Variants in PRIMA1 observed in about 807,000 individuals in gnomAD.
PRIMA1 encodes the protein proline-rich membrane anchor 1.
PRIMA1 carries 7 observed loss-of-function variants against 17.5 expected under a neutral mutation model. That is an observed-to-expected ratio of 0.40 (90% CI 0.23 to 0.75). The LOEUF is 0.75. Ranked by LOEUF, PRIMA1 falls within the 30% of genes least tolerant of loss-of-function variation. The pLI is 0.37. For missense variants in PRIMA1, 200 were observed against 201.8 expected (o/e 0.99, Z 0.05); for synonymous variants, 97 against 77.9 (o/e 1.25, Z -1.29).
intron 3 of PRIMA1, among the ~76,000 whole-genome samples, chr14:93,756,587 C>A (rs560934244): frequency 1.3e-5 from 2 of 152,030 alleles, no homozygotes; most frequent in African/African-American, 4.8e-5. Context: ...TTGATCAGTC[C>A]CATGCCTTCA....
chr14:93,739,099 C>T (rs1357181349), intron 3 of PRIMA1, among the ~76,000 whole-genome samples: 1 of 151,674 alleles, frequency 6.6e-6, no homozygotes, highest in African/African-American at 2.4e-5. Context: ...GTTGCCCAGG[C>T]TGGAGTGCAG....
In PRIMA1 at chr14:93,726,887, A is replaced by G. The variant is rs1298684694; in HGVS notation, c.360-5341T>C. ...TACACATATGTGCACATGCATGCAC[A>G]CATACATATGAATACACATATGCAT... On this transcript the variant is annotated intron_variant, in intron 4 of 4. Coordinates refer to ENST00000393140, the MANE Select transcript of PRIMA1 (RefSeq NM_178013.4). This position sits in a 1 kb window ranked among gnomAD's most constrained non-coding sequence, Gnocchi z 4.2. Among the ~76,000 whole-genome samples, 3 of 152,208 alleles carry G rather than the reference A, an allele frequency of 2.0e-5. No individual in the cohort carries two copies. The highest frequency in any genetic ancestry group is 4.4e-5 in the Non-Finnish European group (3 of 68,042).
chr14:93,744,407 G>A (rs1216663875), intron 3 of PRIMA1, among the ~76,000 whole-genome samples: 2 of 152,260 alleles, frequency 1.3e-5, no homozygotes, highest in Non-Finnish European at 2.9e-5. Flanking sequence ...CCCTTGCGGA[G>A]GCCGGTGCCA....
chr14:93,749,103 T>C (rs2076244983), intron 3 of PRIMA1, among the ~76,000 whole-genome samples: 1 of 152,218 alleles, frequency 6.6e-6, no homozygotes, highest in Non-Finnish European at 1.5e-5. Flanking sequence ...ATCTACTCTC[T>C]TTTAGTAGCT....
chr14:93,752,400 C>G (rs1176870036), intron 3 of PRIMA1, among the ~76,000 whole-genome samples: 1 of 152,210 alleles, frequency 6.6e-6, no homozygotes, highest in Non-Finnish European at 1.5e-5. Flanking sequence ...GGAAACATGC[C>G]AGGTCATATT....
intron 3 of PRIMA1, among the ~76,000 whole-genome samples, chr14:93,776,286 C>A (rs1566977509): frequency 1.3e-5 from 2 of 152,216 alleles, no homozygotes; most frequent in Admixed American, 1.3e-4. Flanking sequence ...TAAACCACTT[C>A]AAGATGTGTT....
intron 4 of PRIMA1, among the ~76,000 whole-genome samples, chr14:93,723,103 C>A (rs145063778): frequency 0.01 from 1,542 of 152,152 alleles, 19 homozygotes; most frequent in Non-Finnish European, 0.016. Flanking sequence ...AGGGCTCTGG[C>A]CCCCAGCCTG....
chr14:93,779,829 A>G (rs1206082835), intron 2 of PRIMA1, among the ~76,000 whole-genome samples: 3 of 152,166 alleles, frequency 2.0e-5, no homozygotes, highest in Admixed American at 1.3e-4. Context: ...TCTCTTGGGT[A>G]GAAACCTCAC....
At position 93,769,163 on chromosome 14, in the gene PRIMA1, T is replaced by A. The variant is rs767139544; in HGVS notation, c.229+10013A>T. On this transcript the variant is annotated intron_variant, in intron 3 of 4. Transcript: ENST00000393140. ...TGCAAGGCAGAGTCAGCCCATTTTATGAATGAGGAAGCTGAGGCCAGTTTG... is the reference window on the plus strand; with the variant it reads ...TGCAAGGCAGAGTCAGCCCATTTTAAGAATGAGGAAGCTGAGGCCAGTTTG... Among the ~76,000 whole-genome samples, 17 of 152,350 alleles carry A rather than the reference T, an allele frequency of 1.1e-4. No homozygotes were observed. The South Asian group carries it at 1.4e-3, about 13-fold the overall frequency.
At position 93,732,622 on chromosome 14, in the gene PRIMA1, G is replaced by A. The variant is rs991082316; in HGVS notation, c.359+4619C>T. Among the ~76,000 whole-genome samples, 10 of 152,342 alleles carry A rather than the reference G, an allele frequency of 6.6e-5. No homozygotes were observed. The South Asian group carries it at 1.9e-3, about 28-fold the overall frequency. ...CCTGTAGCCCAGTGCCTGGCACCTG[G>A]TCCTGGCACCTGGCCCAGCCCTGGC... On this transcript the variant is annotated intron_variant, in intron 4 of 4. Coordinates refer to ENST00000393140, the MANE Select transcript of PRIMA1 (RefSeq NM_178013.4).
At chr14:93,747,988 CTG>C (rs1449167109) in intron 3 of PRIMA1, among the ~76,000 whole-genome samples, 3 of 131,960 alleles carry the variant, frequency 2.3e-5, no homozygotes, top group Non-Finnish European at 4.8e-5. Flanking sequence ...TGAGTTGGGA[CTG>C]AGTGGGAGAG....
At position 93,746,907 on chromosome 14, in the gene PRIMA1, G is replaced by A. The variant is rs370752183; in HGVS notation, c.230-9537C>T. On this transcript the variant is annotated intron_variant, in intron 3 of 4. Transcript: ENST00000393140. Reference sequence around the variant, plus strand: ...AGGAGGAAGCTGTCACCAACTGATGGGGAAGATTACTGGGTCCGTGCAGCT... The same window carrying A: ...AGGAGGAAGCTGTCACCAACTGATGAGGAAGATTACTGGGTCCGTGCAGCT... Among the ~76,000 whole-genome samples the A allele has an allele frequency of 9.2e-5, 14 of 152,256 alleles. No homozygotes were observed. In the East Asian group the frequency reaches 2.5e-3, roughly 27 times the overall value.
At position 93,749,732 on chromosome 14, in the gene PRIMA1, C is replaced by T. The variant is rs573242058; in HGVS notation, c.230-12362G>A. Among the ~76,000 whole-genome samples the T allele has an allele frequency of 5.8e-4, 89 of 152,326 alleles. No homozygotes were observed. The Middle Eastern group carries it at 0.024, about 41-fold the overall frequency. ...TGATGCTCAATAGATTGCTTTCTCT[C>T]ATGGGGGCACTTAATTAACAGGTGA... On this transcript the variant is annotated intron_variant, in intron 3 of 4. Transcript: ENST00000393140.
At chr14:93,779,835 C>T (rs1885329032) in intron 2 of PRIMA1, among the ~76,000 whole-genome samples, 1 of 152,228 alleles carries the variant, frequency 6.6e-6, no homozygotes, top group Non-Finnish European at 1.5e-5. Flanking sequence ...GGGTAGAAAC[C>T]TCACCCAGAG....
rs544353037 is a variant in PRIMA1 at position 93,780,121 on chromosome 14, G to C, written c.94-810C>G. ...CTCTCCTTTCAGTTCCAGGCCCCCGGCCTCTGCAATTGCTGCTCCAGTGGT... is the reference window on the plus strand; with the variant it reads ...CTCTCCTTTCAGTTCCAGGCCCCCGCCCTCTGCAATTGCTGCTCCAGTGGT... On this transcript the variant is annotated intron_variant, in intron 2 of 4. Coordinates refer to ENST00000393140, the MANE Select transcript of PRIMA1 (RefSeq NM_178013.4). Among the ~76,000 whole-genome samples, 28 of 152,290 alleles carry C rather than the reference G, an allele frequency of 1.8e-4. 1 individual carries two copies. Among genetic ancestry groups the C allele is most frequent in the Admixed American group, 1.2e-3 (18 of 15,304 alleles).
intron 4 of PRIMA1, among the ~76,000 whole-genome samples, chr14:93,733,702 T>A (rs1376600908): frequency 7.9e-5 from 12 of 152,132 alleles, no homozygotes; most frequent in Non-Finnish European, 1.8e-4. Flanking sequence ...TATCACTAAA[T>A]TTTCCTTTTA....
At chr14:93,746,923 C>T (rs1334514370) in intron 3 of PRIMA1, among the ~76,000 whole-genome samples, 3 of 152,030 alleles carry the variant, frequency 2.0e-5, no homozygotes, top group Non-Finnish European at 1.5e-5. Flanking sequence ...ATTACTGGGT[C>T]CGTGCAGCTT....
rs998529476 is a variant in PRIMA1, at chr14:93,720,642, T to C, written c.*802A>G. ...CACAGATGCATCAGTTCCTATGGGG[T>C]CAAGTGTGGGGATGAGTCTGAGGAC... On this transcript the variant is annotated 3_prime_UTR_variant, in exon 5 of 5. Transcript: ENST00000393140. The C allele has an allele frequency of 6.6e-6, 1 of 152,634 alleles. No individual in the cohort carries two copies. Among genetic ancestry groups the C allele is most frequent in the Non-Finnish European group, 1.5e-5 (1 of 68,126 alleles). 9.5% of individuals were successfully genotyped at this position (152,634 alleles called of 1,614,324 possible).
chr14:93,772,362 T>C (rs1216211150), intron 3 of PRIMA1, among the ~76,000 whole-genome samples: 1 of 152,264 alleles, frequency 6.6e-6, no homozygotes, highest in Non-Finnish European at 1.5e-5. Flanking sequence ...AGACAGGCAC[T>C]ATGGAAATGC....
Sources: allele counts gnomAD v4.1 joint callset (sites outside exome capture counted in the v4.1 genomes callset), GRCh38; gene constraint gnomAD v4.1.1; non-coding constraint Gnocchi (gnomAD v3.1); transcripts MANE v1.5; gene names NCBI Gene and HGNC (gene_info 2026-07-23, HGNC 2026-07-21).